PKD2: variants seen among roughly 807,000 people sequenced by gnomAD.
The protein encoded by PKD2 is polycystin 2, transient receptor potential cation channel, also known as polycystin-2.
PKD2 carries 48 observed loss-of-function variants against 105.9 expected under a neutral mutation model. The observed-to-expected ratio is 0.45, with a 90% CI of 0.36 to 0.58. The LOEUF (loss-of-function observed/expected upper bound fraction) is 0.58. Among genes scored for constraint, PKD2 ranks in the 20% least tolerant of loss-of-function variants. The pLI is 0.00. For synonymous variants in PKD2, 464 were observed against 481.1 expected, an observed-to-expected ratio of 0.96 and a Z score of 0.46; for missense variants, 1,078 against 1,255.3, an observed-to-expected ratio of 0.86 and a Z score of 2.13.
At chr4:88,033,916 T>C (rs546693215) in intron 2 of PKD2, among the ~76,000 whole-genome samples, 1 of 152,306 alleles carries the variant, frequency 6.6e-6, no homozygotes, top group African/African-American at 2.4e-5. Context: ...AGACGGCTTT[T>C]GCAGAGGACA....
At chr4:88,035,013 A>G (rs1323752086) in intron 2 of PKD2, among the ~76,000 whole-genome samples, 3 of 152,200 alleles carry the variant, frequency 2.0e-5, no homozygotes, top group Non-Finnish European at 1.5e-5. Context: ...CCATTATTGA[A>G]CATTTGTTAA....
chr4:88,015,272 TATC>T (rs1243198749), intron 1 of PKD2, among the ~76,000 whole-genome samples: 2 of 152,186 alleles, frequency 1.3e-5, no homozygotes, highest in Non-Finnish European at 2.9e-5. Flanking sequence ...CCCCCTATCA[TATC>T]AGCAGTGGCA....
rs1165168692 is a variant in PKD2 at position 88,077,316 on chromosome 4, A to C, written c.*1622A>C. 1 of 152,588 alleles carries C rather than the reference A, an allele frequency of 6.6e-6. No homozygotes were observed. The highest frequency in any genetic ancestry group is 2.4e-5 in the African/African-American group (1 of 41,440). The allele number at this position is 152,588 out of a possible 1,614,324, so 9.5% of individuals were successfully genotyped here. ...TCCTCATGGCTTCATCTCTATCTTT[A>C]CTTTCTCTTGAATATGCTACACAAA... is the stretch of plus-strand genomic sequence containing the variant. On this transcript the variant is annotated 3_prime_UTR_variant, in exon 15 of 15. Transcript: ENST00000237596.
At chr4:88,023,907 C>A (rs1051700595) in intron 2 of PKD2, among the ~76,000 whole-genome samples, 1 of 152,086 alleles carries the variant, frequency 6.6e-6, no homozygotes, top group Non-Finnish European at 1.5e-5. Context: ...TTCCATCTTA[C>A]CAATGAGGTT....
chr4:88,073,567 G>A (rs946402742), intron 13 of PKD2, among the ~76,000 whole-genome samples: 4 of 151,902 alleles, frequency 2.6e-5, no homozygotes, highest in African/African-American at 7.3e-5. Flanking sequence ...GAGAAATGCT[G>A]GCAGCCTGCC....
chr4:88,043,529 G>A, intron 5 of PKD2, 72 bp downstream of exon 5: 1 of 1,164,740 alleles, frequency 8.6e-7, no homozygotes, highest in South Asian at 1.3e-5. Flanking sequence ...GGGTTAGCCA[G>A]AAAAACCTTT....
At chr4:88,068,751 G>GTCTA (rs1720889689) in intron 13 of PKD2, among the ~76,000 whole-genome samples, 1 of 152,154 alleles carries the variant, frequency 6.6e-6, no homozygotes, top group Non-Finnish European at 1.5e-5. Context: ...TGTTTGTTAG[G>GTCTA]TCTAGTTTGT....
At chr4:88,036,193 G>A (rs201345669) in intron 2 of PKD2, 27 bp from the exon 3 acceptor site, 43 of 1,613,600 alleles carry the variant, frequency 2.7e-5, no homozygotes, top group East Asian at 2.0e-4. Flanking sequence ...CCCTTGGGGC[G>A]TTCATTTGGA....
rs555733801 is a variant in PKD2, at chr4:88,063,540, AAAAG to A, written c.2118+1540_2118+1543del. On this transcript the variant is annotated intron_variant, in intron 10 of 14. Coordinates refer to ENST00000237596, the MANE Select transcript of PKD2 (RefSeq NM_000297.4). Reference sequence around the variant, plus strand: ...GAGCGAAACTCCGTCTCAAAAAAAAAAAAGAAAAGAAAAGAAAAGAAAAAGAGAA... The same window carrying A: ...GAGCGAAACTCCGTCTCAAAAAAAAAAAAAGAAAAGAAAAGAAAAAGAGAA... Among the ~76,000 whole-genome samples the A allele has an allele frequency of 6.6e-5, 10 of 151,614 alleles. No individual in the cohort carries two copies. The South Asian group carries it at 1.3e-3, about 19-fold the overall frequency.
intron 10 of PKD2, among the ~76,000 whole-genome samples, chr4:88,063,052 C>T (rs949411122): frequency 6.6e-5 from 10 of 152,218 alleles, no homozygotes; most frequent in African/African-American, 2.4e-4. Flanking sequence ...CCACTGCTAG[C>T]TCTTCAGTGT....
At chr4:88,065,936 A>G in intron 12 of PKD2, 57 bp downstream of exon 12, 2 of 913,016 alleles carry the variant, frequency 2.2e-6, no homozygotes, top group South Asian at 2.6e-5. Context: ...CCACAGATGT[A>G]TCAAACACTA....
intron 6 of PKD2, among the ~76,000 whole-genome samples, chr4:88,047,620 T>C (rs1340001076): frequency 6.6e-6 from 1 of 152,168 alleles, no homozygotes; most frequent in African/African-American, 2.4e-5. Flanking sequence ...GAGAAAACTT[T>C]CTGCAGTTTA....
At chr4:88,065,976 C>G in intron 12 of PKD2, 97 bp downstream of exon 12, 2 of 777,302 alleles carry the variant, frequency 2.6e-6, no homozygotes, top group South Asian at 1.4e-5. Context: ...AGTCTCTTGC[C>G]CATTCCCCAC....
chr4:88,041,844 C>T (rs1316462853), intron 4 of PKD2, among the ~76,000 whole-genome samples: 1 of 152,182 alleles, frequency 6.6e-6, no homozygotes, highest in Admixed American at 6.5e-5. Flanking sequence ...TCCAACCTTG[C>T]AAACAGGCCT....
intron 9 of PKD2, among the ~76,000 whole-genome samples, chr4:88,060,454 A>ATATATG (rs1208838349): frequency 1.3e-5 from 2 of 151,210 alleles, no homozygotes; most frequent in African/African-American, 4.9e-5. Flanking sequence ...ATATATATAT[A>ATATATG]TATCATATAT....
rs1720122909 is a variant in PKD2 at position 88,052,035 on chromosome 4, T to C, written c.1593T>C (p.Asn531=). 6.2e-7 allele frequency: 1 copy of C among 1,601,198 alleles called. No homozygotes were observed. The highest frequency in any genetic ancestry group is 8.6e-7 in the Non-Finnish European group (1 of 1,168,566). The change falls in exon 7 of 15, where the codon AAT becomes AAC. Residue 531 remains asparagine (N), a synonymous_variant. Coordinates refer to ENST00000237596, the MANE Select transcript of PKD2 (RefSeq NM_000297.4). ...AIGINIYRTS[N]VEVLLQFLED... ...GAATTAACATATACAGAACATCAAA[T>C]GTGGAGGTGCTACTACAGTTTCTGG...
At position 88,077,520 on chromosome 4, in the gene PKD2, A is replaced by T. The variant is rs189817187; in HGVS notation, c.*1826A>T. 2.0e-5 allele frequency: 3 copies of T among 152,734 alleles called. No homozygotes were observed. The East Asian group carries it at 5.8e-4, about 29-fold the overall frequency. 9.5% of individuals were successfully genotyped at this position (152,734 alleles called of 1,614,324 possible). On this transcript the variant is annotated 3_prime_UTR_variant, in exon 15 of 15. Coordinates refer to ENST00000237596, the MANE Select transcript of PKD2 (RefSeq NM_000297.4). The stretch of plus-strand genomic sequence containing the variant: ...ATTATGGTCACTAGAAAGTCTCTTT[A>T]TGATACTTTTTATTGTACTGTTTTT...
chr4:88,019,977 C>T (rs1287726377), intron 2 of PKD2, among the ~76,000 whole-genome samples: 1 of 152,176 alleles, frequency 6.6e-6, no homozygotes, highest in East Asian at 1.9e-4. Context: ...AAGTTCTCTT[C>T]TGCACTCTGG....
chr4:88,058,170 C>T, intron 9 of PKD2, 67 bp downstream of exon 9: 1 of 1,006,490 alleles, frequency 9.9e-7, no homozygotes, highest in Non-Finnish European at 1.6e-6. Flanking sequence ...TCTCTTTTCT[C>T]TCACACTTTA....
Sources: allele counts gnomAD v4.1 joint callset (sites outside exome capture counted in the v4.1 genomes callset), GRCh38; gene constraint gnomAD v4.1.1; transcripts MANE v1.5; gene names NCBI Gene and HGNC (gene_info 2026-07-23, HGNC 2026-07-21).